Variants in DYNC1LI1 observed in about 807,000 individuals in gnomAD.
The protein encoded by DYNC1LI1 is dynein cytoplasmic 1 light intermediate chain 1.
In DYNC1LI1, 19 loss-of-function variants were observed where a neutral mutation model predicts 63.8. That is an observed-to-expected ratio of 0.30 (90% CI 0.21 to 0.44). The LOEUF is 0.44. Among genes scored for constraint, DYNC1LI1 ranks in the 20% least tolerant of loss-of-function variants. DYNC1LI1 has a pLI of 1.00. For synonymous variants in DYNC1LI1, 225 were observed against 232.3 expected (o/e 0.97, Z 0.28); for missense variants, 565 against 630.2 (o/e 0.90, Z 1.11).
rs149041797 is a variant in DYNC1LI1, at chr3:32,529,994, C to A, written c.1185+290G>T. 2.2e-3 allele frequency among the ~76,000 whole-genome samples: 330 copies of A among 152,292 alleles called. 1 individual carries two copies. The highest frequency in any genetic ancestry group is 4.0e-3 in the Non-Finnish European group (272 of 68,026). On this transcript the variant is annotated intron_variant, in intron 10 of 12. Coordinates refer to ENST00000273130, the MANE Select transcript of DYNC1LI1 (RefSeq NM_016141.4). The stretch of plus-strand genomic sequence containing the variant: ...TATAATCTCAGGCAAGCCACAACGT[C>A]CTCCCTAAGGTTCCCATTTCCTCAT...
At chr3:32,559,781 G>A (rs1698165690) in intron 2 of DYNC1LI1, among the ~76,000 whole-genome samples, 1 of 152,154 alleles carries the variant, frequency 6.6e-6, no homozygotes, top group Non-Finnish European at 1.5e-5. Context: ...TATCAACATT[G>A]TAAAGCTGAC....
intron 5 of DYNC1LI1, among the ~76,000 whole-genome samples, chr3:32,539,133 A>C (rs1007707498): frequency 1.0e-3 from 158 of 152,342 alleles, no homozygotes; most frequent in African/African-American, 3.6e-3. Context: ...AAAATAAAAA[A>C]CAAAGCACAC....
intron 5 of DYNC1LI1, among the ~76,000 whole-genome samples, chr3:32,537,901 AT>A (rs1697798223): frequency 4.0e-5 from 2 of 49,394 alleles, no homozygotes; most frequent in Non-Finnish European, 7.5e-5. Flanking sequence ...TATATATATA[AT>A]ATATATATAT....
At chr3:32,535,845 A>G (rs901194681) in intron 6 of DYNC1LI1, among the ~76,000 whole-genome samples, 32 of 152,282 alleles carry the variant, frequency 2.1e-4, no homozygotes, top group African/African-American at 7.2e-4. Context: ...TTTGGTAGAA[A>G]GCTTCCTTTC....
rs113350161 is a variant in DYNC1LI1, at chr3:32,548,216, C to A, written c.221-2251G>T. On this transcript the variant is annotated intron_variant, in intron 2 of 12. Coordinates refer to ENST00000273130, the MANE Select transcript of DYNC1LI1 (RefSeq NM_016141.4). ...GGCCACACAGCAGGAGGTGAGCCGA[C>A]AGCATTACCGCTGAGCTCCACCTCC... 9.0e-3 allele frequency among the ~76,000 whole-genome samples: 1,364 copies of A among 152,202 alleles called. 29 individuals are homozygous for A. The highest frequency in any genetic ancestry group is 0.031 in the African/African-American group (1,296 of 41,522).
At chr3:32,542,696 C>T (rs1471938187) in intron 4 of DYNC1LI1, among the ~76,000 whole-genome samples, 1 of 152,158 alleles carries the variant, frequency 6.6e-6, no homozygotes, top group Non-Finnish European at 1.5e-5. Flanking sequence ...TGAGCCACTG[C>T]GCCCAGCCCT....
intron 4 of DYNC1LI1, among the ~76,000 whole-genome samples, chr3:32,543,671 G>A (rs185461683): frequency 4.6e-5 from 7 of 150,952 alleles, no homozygotes; most frequent in Admixed American, 4.0e-4. Context: ...CTCCCAAAGC[G>A]CTGGGATTAC....
chr3:32,527,054 A>C, intron 12 of DYNC1LI1, 146 bp from the exon 13 acceptor site: 1 of 582,812 alleles, frequency 1.7e-6, no homozygotes, highest in Non-Finnish European at 2.9e-6. Flanking sequence ...TAATTTAAAA[A>C]TTTCAAGCTG....
intron 2 of DYNC1LI1, among the ~76,000 whole-genome samples, chr3:32,554,947 G>A (rs983826911): frequency 7.4e-6 from 1 of 135,062 alleles, no homozygotes; most frequent in African/African-American, 2.9e-5. Context: ...TTGGCTCACT[G>A]CAACCTCCGC....
At chr3:32,545,127 T>C in intron 3 of DYNC1LI1, 21 bp from the exon 4 acceptor site, 1 of 1,511,866 alleles carries the variant, frequency 6.6e-7, no homozygotes, top group Admixed American at 1.7e-5. Flanking sequence ...CAAAACAAAG[T>C]AACCAAGGCA....
intron 11 of DYNC1LI1, 80 bp from the exon 12 acceptor site, chr3:32,528,681 T>C (rs1421710557): frequency 2.5e-5 from 34 of 1,347,258 alleles, no homozygotes; most frequent in Admixed American, 5.5e-5. Flanking sequence ...TAATCACACA[T>C]AGAAAATGAA....
chr3:32,542,062 G>A (rs1021400296), intron 4 of DYNC1LI1, among the ~76,000 whole-genome samples: 1 of 152,066 alleles, frequency 6.6e-6, no homozygotes, highest in African/African-American at 2.4e-5. Flanking sequence ...AATAAAAGAA[G>A]GCCAACGTAT....
chr3:32,533,700 A>AACC (rs1392538124), intron 7 of DYNC1LI1, among the ~76,000 whole-genome samples: 1 of 149,244 alleles, frequency 6.7e-6, no homozygotes, highest in African/African-American at 2.5e-5. Context: ...CAAGTAGCTG[A>AACC]ACCACAGGTG....
intron 12 of DYNC1LI1, 40 bp downstream of exon 12, chr3:32,528,406 C>G: frequency 6.8e-6 from 11 of 1,611,180 alleles, no homozygotes; most frequent in Non-Finnish European, 9.3e-6. Context: ...CTCAAAAAAG[C>G]TGTTATTTTA....
At chr3:32,528,112 C>CAAAAAAAAAAAAAAAAAAAAAAA (rs60912161) in intron 12 of DYNC1LI1, among the ~76,000 whole-genome samples, 3 of 29,896 alleles carry the variant, frequency 1.0e-4, no homozygotes, top group Non-Finnish European at 1.5e-4. Context: ...GACTCCATCT[C>CAAAAAAAAAAAAAAAAAAAAAAA]AAAAAAAAAA....
chr3:32,554,027 C>A (rs1292840130), intron 2 of DYNC1LI1, among the ~76,000 whole-genome samples: 1 of 152,294 alleles, frequency 6.6e-6, no homozygotes, highest in Middle Eastern at 3.4e-3. Context: ...TATGTAACAA[C>A]AACAACAAAA....
intron 2 of DYNC1LI1, among the ~76,000 whole-genome samples, chr3:32,549,952 T>C (rs1698009293): frequency 6.6e-6 from 1 of 152,226 alleles, no homozygotes; most frequent in African/African-American, 2.4e-5. Flanking sequence ...GAAAATCTCA[T>C]GCATAAGCAA....
chr3:32,527,899 T>C (rs1367745698), intron 12 of DYNC1LI1, among the ~76,000 whole-genome samples: 1 of 151,552 alleles, frequency 6.6e-6, no homozygotes, highest in Non-Finnish European at 1.5e-5. Context: ...GGTGGGAGGA[T>C]CACTTGAGGC....
At chr3:32,534,946 C>T (rs375545594) in intron 6 of DYNC1LI1, among the ~76,000 whole-genome samples, 7 of 152,278 alleles carry the variant, frequency 4.6e-5, no homozygotes, top group African/African-American at 1.7e-4. Context: ...ATTTAAAGCA[C>T]ATGAAAGGAC....
Sources: allele counts gnomAD v4.1 joint callset (sites outside exome capture counted in the v4.1 genomes callset), GRCh38; gene constraint gnomAD v4.1.1; transcripts MANE v1.5; gene names NCBI Gene and HGNC (gene_info 2026-07-23, HGNC 2026-07-21).